The following SP1 variants were observed in gnomAD, a reference collection of about 807,000 sequenced individuals.
The protein encoded by SP1 is Sp1 transcription factor.
Under a neutral mutation model 66.3 loss-of-function variants are expected in SP1, and 6 were observed. The ratio of observed to expected loss-of-function variants is 0.09; its 90% CI spans 0.05 to 0.18. The LOEUF (loss-of-function observed/expected upper bound fraction) is 0.18. SP1 is among the 10% of genes least tolerant of loss of function. The probability of loss-of-function intolerance (pLI) is 1.00; values close to 1 mark genes in which losing one functional copy is unlikely to be tolerated. For missense variants in SP1, 848 were observed against 964.5 expected (o/e 0.88, Z 1.60); for synonymous variants, 417 against 360.8 (o/e 1.16, Z -1.77).
chr12:53,380,427 C>G (rs530291668), intron 1 of SP1, 129 bp downstream of exon 1: 2 of 812,122 alleles, frequency 2.5e-6, no homozygotes, highest in Non-Finnish European at 3.4e-6. Context: ...GCCTAGGTCC[C>G]GCCCGGGGCG....
chr12:53,394,869 C>T (rs1938447840), intron 3 of SP1, among the ~76,000 whole-genome samples: 1 of 151,802 alleles, frequency 6.6e-6, no homozygotes, highest in African/African-American at 2.4e-5. Context: ...CCGCCTCGGC[C>T]TCCCAAAGTG....
chr12:53,385,572 G>A (rs1331151287), intron 3 of SP1, among the ~76,000 whole-genome samples: 1 of 148,318 alleles, frequency 6.7e-6, no homozygotes, highest in Non-Finnish European at 1.5e-5. Flanking sequence ...TCCAGCCTGG[G>A]TGACAGAGCG....
intron 3 of SP1, among the ~76,000 whole-genome samples, chr12:53,401,520 G>A (rs1307392082): frequency 6.7e-6 from 1 of 148,978 alleles, no homozygotes; most frequent in Non-Finnish European, 1.5e-5. Context: ...AACGAGCAAT[G>A]ATACTGGCAA....
rs1938147123 is a variant in SP1, at chr12:53,383,120, C to G, written c.1173C>G (p.Asn391Lys). 6.2e-7 allele frequency: 1 copy of G among 1,614,070 alleles called. No homozygotes were observed. Among genetic ancestry groups the G allele is most frequent in the African/African-American group, 1.3e-5 (1 of 74,916 alleles). The change falls in exon 3 of 6, where the codon AAC becomes AAG. Residue 391 changes from asparagine (N) to lysine (K), a missense_variant. This residue lies in a region of SP1 where 606 missense variants were observed against 589.9 expected (regional missense o/e 1.03). Coordinates refer to ENST00000327443, the MANE Select transcript of SP1 (RefSeq NM_138473.3). ...GCCAGCAAAAAGAAGGAGAGCAAAA[C>G]CAGCAGACACAGCAGCAACAAATTC... ...QAGQQKEGEQ[N>K]QQTQQQQILI...
At chr12:53,391,325 CT>C (rs978015959) in intron 3 of SP1, among the ~76,000 whole-genome samples, 159 of 117,956 alleles carry the variant, frequency 1.3e-3, no homozygotes, top group Non-Finnish European at 1.8e-3. Flanking sequence ...AGACTGAGAA[CT>C]TTTTTTTTTT....
At chr12:53,402,220 C>CT (rs35020021) in intron 3 of SP1, among the ~76,000 whole-genome samples, 1,414 of 131,488 alleles carry the variant, frequency 0.011, 14 homozygotes, top group African/African-American at 0.033. Flanking sequence ...TAGGCTGCAC[C>CT]TTTTTTTTTT....
intron 4 of SP1, among the ~76,000 whole-genome samples, chr12:53,407,332 T>A (rs1389066722): frequency 1.4e-4 from 20 of 146,480 alleles, no homozygotes; most frequent in South Asian, 6.4e-4. Flanking sequence ...AAAAAAAAAA[T>A]TTTTTTTTTT....
intron 3 of SP1, among the ~76,000 whole-genome samples, chr12:53,400,796 C>T (rs1220831283): frequency 1.6e-5 from 2 of 126,360 alleles, no homozygotes; most frequent in African/African-American, 6.0e-5. Context: ...GAGTCTCGTT[C>T]TGTCGCCCAG....
rs1321137641 is a variant in SP1, at chr12:53,416,082, A to G, written c.*4842A>G. 2.0e-5 allele frequency: 3 copies of G among 152,598 alleles called. No individual in the cohort carries two copies. The highest frequency in any genetic ancestry group is 7.2e-5 in the African/African-American group (3 of 41,434). 9.5% of individuals were successfully genotyped at this position (152,598 alleles called of 1,614,324 possible). A position where few individuals can be genotyped will look rare whatever the true frequency, so the allele number is the denominator to read the frequency against. On this transcript the variant is annotated 3_prime_UTR_variant, in exon 6 of 6. Transcript: ENST00000327443. ...AAAACCCAAGTTTATTTCTCTCTTA[A>G]CACTGGCAATAACCAGTCCACACCA...
At chr12:53,388,881 G>A (rs1938285854) in intron 3 of SP1, among the ~76,000 whole-genome samples, 1 of 151,992 alleles carries the variant, frequency 6.6e-6, no homozygotes, top group South Asian at 2.1e-4. Flanking sequence ...TTGGGAGGCT[G>A]AGGTGGGAGG....
chr12:53,388,362 A>G (rs532204752), intron 3 of SP1, among the ~76,000 whole-genome samples: 1 of 152,276 alleles, frequency 6.6e-6, no homozygotes, highest in East Asian at 1.9e-4. Flanking sequence ...GAAGTCTGCC[A>G]TTTAATATGT....
rs1404510584 is a variant in SP1, at chr12:53,413,970, C to T, written c.*2730C>T. 1 of 152,156 alleles carries T rather than the reference C, an allele frequency of 6.6e-6. No individual in the cohort carries two copies. Among genetic ancestry groups the T allele is most frequent in the East Asian group, 1.9e-4 (1 of 5,190 alleles). 9.4% of individuals were successfully genotyped at this position (152,156 alleles called of 1,614,324 possible). A position where few individuals can be genotyped will look rare whatever the true frequency, so the allele number is the denominator to read the frequency against. ...CTTCACACCAAGGAAGCTCCAGATC[C>T]AGTATCTTGTTTGGCCTCAAAACAG... On this transcript the variant is annotated 3_prime_UTR_variant, in exon 6 of 6. Coordinates refer to ENST00000327443, the MANE Select transcript of SP1 (RefSeq NM_138473.3).
At chr12:53,381,841 G>A (rs754110225) in intron 2 of SP1, 28 bp downstream of exon 2, 2 of 1,593,702 alleles carry the variant, frequency 1.3e-6, no homozygotes, top group Non-Finnish European at 1.7e-6. Flanking sequence ...AGTGGGGAAG[G>A]TGTTGAGAAG....
At position 53,409,352 on chromosome 12, in the gene SP1, T is replaced by C. The variant is rs1938827952; in HGVS notation, c.1845-10T>C. ...GAATGAATGATTAACAGTTGTGTCC[T>C]CACTTTCAGGGGCTCGGGGGATCCT... On this transcript the variant is annotated splice_polypyrimidine_tract_variant and intron_variant, in intron 4 of 5. Coordinates refer to ENST00000327443, the MANE Select transcript of SP1 (RefSeq NM_138473.3). 1 of 1,611,554 alleles carries C rather than the reference T, an allele frequency of 6.2e-7. No individual in the cohort carries two copies. The highest frequency in any genetic ancestry group is 8.5e-7 in the Non-Finnish European group (1 of 1,178,600).
Position 53,412,674 on chromosome 12 carries a change from G to A in SP1, c.*1434G>A, listed in dbSNP as rs1456610440. On this transcript the variant is annotated 3_prime_UTR_variant, in exon 6 of 6. Transcript: ENST00000327443. ...ACATGATCATGGGAATGATAGCCCAGAACAAAAAGAAATCTTGTCTTACCA... is the reference window on the plus strand; with the variant it reads ...ACATGATCATGGGAATGATAGCCCAAAACAAAAAGAAATCTTGTCTTACCA... 6.6e-6 allele frequency: 1 copy of A among 152,574 alleles called. No homozygotes were observed. Among genetic ancestry groups the A allele is most frequent in the Admixed American group, 6.6e-5 (1 of 15,254 alleles). 9.5% of individuals were successfully genotyped at this position (152,574 alleles called of 1,614,324 possible).
At chr12:53,408,634 C>T (rs1306568187) in intron 4 of SP1, among the ~76,000 whole-genome samples, 1 of 147,760 alleles carries the variant, frequency 6.8e-6, no homozygotes, top group East Asian at 2.3e-4. Context: ...TGGCCGGGTG[C>T]GGTGGCTCAC....
intron 3 of SP1, among the ~76,000 whole-genome samples, chr12:53,405,649 G>A (rs1328274169): frequency 6.6e-6 from 1 of 151,398 alleles, no homozygotes; most frequent in Non-Finnish European, 1.5e-5. Flanking sequence ...CAGAGCCAGC[G>A]AGACTCTGTC....
intron 3 of SP1, among the ~76,000 whole-genome samples, chr12:53,385,265 G>A (rs765056459): frequency 9.9e-5 from 15 of 151,480 alleles, no homozygotes; most frequent in Non-Finnish European, 2.9e-5. Flanking sequence ...CTGCACTCCA[G>A]CCTGGTTGAC....
In SP1 at chr12:53,412,348, G is replaced by C. The variant is rs1001444218; in HGVS notation, c.*1108G>C. On this transcript the variant is annotated 3_prime_UTR_variant, in exon 6 of 6. Transcript: ENST00000327443. ...TGCTCAGAAGAGGAAATGACTCGTAGTCAGGTTCAGGAGTTAGTGGAGTAT... is the reference window on the plus strand; with the variant it reads ...TGCTCAGAAGAGGAAATGACTCGTACTCAGGTTCAGGAGTTAGTGGAGTAT... 2.6e-5 allele frequency: 4 copies of C among 152,620 alleles called. No individual in the cohort carries two copies. The highest frequency in any genetic ancestry group is 9.6e-5 in the African/African-American group (4 of 41,454). The allele number at this position is 152,620 out of a possible 1,614,324, so 9.5% of individuals were successfully genotyped here. A position where few individuals can be genotyped will look rare whatever the true frequency, so the allele number is the denominator to read the frequency against.
Sources: gnomAD v4.1 joint callset for allele counts (sites outside exome capture counted in the v4.1 genomes callset) on GRCh38, gnomAD v4.1.1 for gene constraint, gnomAD v4.1.1 regional missense constraint, MANE v1.5 for transcripts, NCBI Gene and HGNC (gene_info 2026-07-23, HGNC 2026-07-21) for gene names.